SSC4D: variants seen among roughly 807,000 people sequenced by gnomAD.
SSC4D encodes the protein scavenger receptor cysteine-rich domain-containing group B protein.
A neutral mutation model predicts 63.4 loss-of-function variants in SSC4D; 57 were observed. The ratio of observed to expected loss-of-function variants is 0.90; its 90% CI spans 0.73 to 1.12. The LOEUF is 1.12. Among genes scored for constraint, SSC4D ranks in the 50% most tolerant of loss-of-function variants. The pLI is 0.00. For synonymous variants in SSC4D, 352 were observed against 345.4 expected (o/e 1.02, Z -0.21); for missense variants, 791 against 806.4 (o/e 0.98, Z 0.23).
chr7:76,407,345 T>C (rs1429206775), intron 1 of SSC4D, among the ~76,000 whole-genome samples: 2 of 151,654 alleles, frequency 1.3e-5, no homozygotes, highest in East Asian at 1.9e-4. Flanking sequence ...TCTCTTTTTT[T>C]TTTTGAGACA....
intron 1 of SSC4D, among the ~76,000 whole-genome samples, chr7:76,407,948 T>C (rs1286742810): frequency 6.6e-6 from 1 of 151,910 alleles, no homozygotes; most frequent in Non-Finnish European, 1.5e-5. Context: ...CTCTAGGCCA[T>C]AGGAGGCAGA....
intron 1 of SSC4D, among the ~76,000 whole-genome samples, chr7:76,404,768 A>C (rs1005029249): frequency 6.6e-6 from 1 of 150,830 alleles, no homozygotes; most frequent in Admixed American, 6.6e-5. Context: ...CCTGTCTGTT[A>C]CCAAAAAATG....
chr7:76,393,423 C>T lies in SSC4D; in HGVS notation c.1315G>A (p.Ala439Thr). 4.7e-6 allele frequency: 7 copies of T among 1,492,356 alleles called. No homozygotes were observed. Among genetic ancestry groups the T allele is most frequent in the Non-Finnish European group, 6.2e-6 (7 of 1,125,706 alleles). The allele number at this position is 1,492,356 out of a possible 1,614,324, so 92.4% of individuals were successfully genotyped here. Residue 439 changes from alanine (A) to threonine (T), a missense_variant, in exon 9 of 11, where the codon GCG (alanine) becomes ACG (threonine). Physicochemically the swap from Ala to Thr is moderately conservative, Grantham distance 58. Transcript: ENST00000275560. ...GCCTCACCTGCGCAGAGCGCTCCCGCGTCCTCGTGGTGGCCGCAGTTGTGC... is the reference window on the plus strand; with the variant it reads ...GCCTCACCTGCGCAGAGCGCTCCCGTGTCCTCGTGGTGGCCGCAGTTGTGC... ...GQHNCGHHED[A>T]GALCAGPEEL...
intron 10 of SSC4D, among the ~76,000 whole-genome samples, chr7:76,391,368 G>A (rs1804490372): frequency 6.6e-6 from 1 of 151,846 alleles, no homozygotes; most frequent in Non-Finnish European, 1.5e-5. Context: ...TTGAACCTGG[G>A]AGGTGGAGGT....
intron 5 of SSC4D, among the ~76,000 whole-genome samples, chr7:76,398,315 T>TG (rs1437008460): frequency 6.6e-6 from 1 of 150,856 alleles, no homozygotes; most frequent in Non-Finnish European, 1.5e-5. Context: ...TTCTATTTTT[T>TG]TTTTTTTTTT....
At chr7:76,396,186 G>T (rs1804635412) in intron 6 of SSC4D, among the ~76,000 whole-genome samples, 2 of 152,198 alleles carry the variant, frequency 1.3e-5, no homozygotes, top group African/African-American at 4.8e-5. Flanking sequence ...GGACTCACTC[G>T]ACTCAGGAGG....
intron 10 of SSC4D, 26 bp downstream of exon 10, chr7:76,391,938 A>G (rs1378255368): frequency 6.3e-7 from 1 of 1,575,868 alleles, no homozygotes; most frequent in Non-Finnish European, 8.6e-7. Context: ...GCCTCCACCC[A>G]CTTTCAGGGG....
chr7:76,401,239 A>C (rs1440026381), intron 2 of SSC4D, among the ~76,000 whole-genome samples, 196 bp from the exon 3 acceptor site: 1 of 151,818 alleles, frequency 6.6e-6, no homozygotes, highest in Non-Finnish European at 1.5e-5. Flanking sequence ...CCCCTCTCCT[A>C]GTGGTCCCTG....
chr7:76,409,297 C>CCTCT (rs148221845), intron 1 of SSC4D, 117 bp downstream of exon 1: 5,728 of 132,370 alleles, frequency 0.043, 170 homozygotes, highest in East Asian at 0.14. Flanking sequence ...GAAATGGTTG[C>CCTCT]CTCTCTCTCT....
chr7:76,406,144 C>G (rs2115813081), intron 1 of SSC4D, among the ~76,000 whole-genome samples: 1 of 152,186 alleles, frequency 6.6e-6, no homozygotes, highest in Middle Eastern at 3.4e-3. Flanking sequence ...CGCCACCACG[C>G]CCGGCTCATT....
At chr7:76,395,230 G>A (rs763652906) in intron 7 of SSC4D, 23 bp downstream of exon 7, 8 of 1,612,712 alleles carry the variant, frequency 5.0e-6, no homozygotes, top group East Asian at 2.2e-5. Flanking sequence ...TACCATTCCC[G>A]CCTGGAGGGC....
intron 5 of SSC4D, 105 bp downstream of exon 5, chr7:76,398,615 A>C: frequency 7.5e-7 from 1 of 1,326,180 alleles, no homozygotes; most frequent in South Asian, 1.2e-5. Context: ...ATTTTCTCTA[A>C]CTTTACATCT....
Position 76,397,379 on chromosome 7 carries a change from G to T in SSC4D, c.868+139C>A, listed in dbSNP as rs1344312295. On this transcript the variant is annotated intron_variant, in intron 6 of 10. Transcript: ENST00000275560. Reference sequence around the variant, plus strand: ...TGAGATAGAAGTAATTTTGGATGCTGCCTGGAGAGCTCTGGGGAGCATCAA... The same window carrying T: ...TGAGATAGAAGTAATTTTGGATGCTTCCTGGAGAGCTCTGGGGAGCATCAA... The T allele has an allele frequency of 4.6e-6, 5 of 1,087,708 alleles. No individual in the cohort carries two copies. In the African/African-American group the frequency reaches 4.8e-5, roughly 11 times the overall value. The allele number at this position is 1,087,708 out of a possible 1,614,324, so 67.4% of individuals were successfully genotyped here.
intron 2 of SSC4D, among the ~76,000 whole-genome samples, chr7:76,402,407 C>G (rs924997196): frequency 6.6e-6 from 1 of 152,060 alleles, no homozygotes; most frequent in Non-Finnish European, 1.5e-5. Flanking sequence ...GTCTTGAACC[C>G]TTAACCTCAA....
intron 1 of SSC4D, among the ~76,000 whole-genome samples, chr7:76,406,531 G>A (rs1397242635): frequency 1.3e-5 from 2 of 150,260 alleles, no homozygotes; most frequent in East Asian, 3.9e-4. Flanking sequence ...TCACCCAGGC[G>A]GCAGTGCAGT....
chr7:76,393,407 G>T lies in SSC4D; in HGVS notation c.1331C>A (p.Ala444Glu). 6.8e-7 allele frequency: 1 copy of T among 1,461,378 alleles called. No individual in the cohort carries two copies. The highest frequency in any genetic ancestry group is 9.0e-7 in the Non-Finnish European group (1 of 1,109,384). 90.5% of individuals were successfully genotyped at this position (1,461,378 alleles called of 1,614,324 possible). A position where few individuals can be genotyped will look rare whatever the true frequency, so the allele number is the denominator to read the frequency against. Reference sequence around the variant, plus strand: ...CTCACCTTCGCTGTCAGCCTCACCTGCGCAGAGCGCTCCCGCGTCCTCGTG... The same window carrying T: ...CTCACCTTCGCTGTCAGCCTCACCTTCGCAGAGCGCTCCCGCGTCCTCGTG... ...GHHEDAGALC[A>E]GPEELGLQVQ... The change falls in exon 9 of 11, where the codon GCA (alanine) becomes GAA (glutamate). Residue 444 changes from alanine to glutamate, a missense_variant and splice_region_variant. Coordinates refer to ENST00000275560, the MANE Select transcript of SSC4D (RefSeq NM_080744.2).
chr7:76,392,321 G>C (rs576108871), intron 9 of SSC4D, among the ~76,000 whole-genome samples: 42 of 152,098 alleles, frequency 2.8e-4, no homozygotes, highest in Non-Finnish European at 4.4e-4. Flanking sequence ...GGCCGAGGCG[G>C]GTGGATCACC....
chr7:76,406,079 G>T (rs537079432), intron 1 of SSC4D, among the ~76,000 whole-genome samples: 2 of 151,952 alleles, frequency 1.3e-5, no homozygotes, highest in African/African-American at 4.8e-5. Context: ...TCTGCCTCCC[G>T]GGTTCAAGCG....
intron 4 of SSC4D, 21 bp from the exon 5 acceptor site, chr7:76,398,818 A>C: frequency 6.2e-7 from 1 of 1,610,084 alleles, no homozygotes; most frequent in Non-Finnish European, 8.5e-7. Context: ...AGTGAAGTGG[A>C]TACAGGGGTC....
Sources: allele counts gnomAD v4.1 joint callset (sites outside exome capture counted in the v4.1 genomes callset), GRCh38; gene constraint gnomAD v4.1.1; transcripts MANE v1.5; gene names NCBI Gene and HGNC (gene_info 2026-07-23, HGNC 2026-07-21).